The following SIPA1L1 variants were observed in gnomAD, a reference collection of about 807,000 sequenced individuals.
SIPA1L1 encodes signal induced proliferation associated 1 like 1.
In SIPA1L1, 26 loss-of-function variants were observed where a neutral mutation model predicts 162.7. The observed-to-expected ratio is 0.16, with a 90% CI of 0.12 to 0.22. SIPA1L1 has a LOEUF of 0.22. Ranked by LOEUF, SIPA1L1 falls within the 10% of genes least tolerant of loss-of-function variation. SIPA1L1 has a pLI of 1.00. For synonymous variants in SIPA1L1, 829 were observed against 837.4 expected (o/e 0.99, Z 0.17); for missense variants, 1,874 against 2,241.0 (o/e 0.84, Z 3.31).
At chr14:71,416,639 T>C (rs891062821) in intron 2 of SIPA1L1, among the ~76,000 whole-genome samples, 3 of 151,980 alleles carry the variant, frequency 2.0e-5, no homozygotes, top group African/African-American at 7.3e-5. Flanking sequence ...GCCTTCTAAG[T>C]GTATACTTCC....
intron 7 of SIPA1L1, among the ~76,000 whole-genome samples, chr14:71,626,294 T>C (rs975852781): frequency 4.6e-5 from 7 of 152,208 alleles, no homozygotes; most frequent in African/African-American, 1.4e-4. Context: ...ACAGTAGTTT[T>C]TTACTAGACA....
intron 2 of SIPA1L1, among the ~76,000 whole-genome samples, chr14:71,398,174 C>T (rs894444472): frequency 3.9e-5 from 6 of 152,020 alleles, no homozygotes; most frequent in African/African-American, 1.2e-4. Context: ...TGCCACTGCA[C>T]CCGGCTAATT....
chr14:71,546,026 T>C (rs2055153226), intron 4 of SIPA1L1, among the ~76,000 whole-genome samples: 1 of 151,892 alleles, frequency 6.6e-6, no homozygotes, highest in African/African-American at 2.4e-5. Context: ...GAGGCTGCAG[T>C]GAGCTGGGAT....
intron 4 of SIPA1L1, among the ~76,000 whole-genome samples, chr14:71,541,773 T>C (rs906090161): frequency 1.4e-4 from 21 of 152,148 alleles, no homozygotes; most frequent in African/African-American, 4.8e-4. Flanking sequence ...ACTCTGTCTC[T>C]GACAACAGCA....
In SIPA1L1 at chr14:71,671,236, A is replaced by G; in HGVS notation, c.2373A>G (p.Ala791=). The G allele has an allele frequency of 6.2e-7, 1 of 1,614,242 alleles. No homozygotes were observed. The highest frequency in any genetic ancestry group is 8.5e-7 in the Non-Finnish European group (1 of 1,180,052). The part of the protein sequence containing the change: ...RDFLLAKVIN[A]ENAAHKSEKF... Reference sequence around the variant, plus strand: ...TCCTTTTGGCGAAAGTGATTAATGCAGAAAATGCTGCTCATAAATCGGAGA... The same window carrying G: ...TCCTTTTGGCGAAAGTGATTAATGCGGAAAATGCTGCTCATAAATCGGAGA... The change falls in exon 11 of 24, where the codon GCA becomes GCG. Residue 791 remains alanine, a synonymous_variant. Transcript: ENST00000381232.
At chr14:71,500,440 G>A (rs575727912) in intron 2 of SIPA1L1, among the ~76,000 whole-genome samples, 1 of 152,252 alleles carries the variant, frequency 6.6e-6, no homozygotes, top group Non-Finnish European at 1.5e-5. Flanking sequence ...AGCCACAGTT[G>A]TATTATTATA....
intron 2 of SIPA1L1, among the ~76,000 whole-genome samples, chr14:71,503,468 G>A (rs775553984): frequency 1.6e-4 from 24 of 152,170 alleles, no homozygotes; most frequent in Admixed American, 3.9e-4. Context: ...TACATTTATT[G>A]GTTGGCAAAT....
At chr14:71,682,510 C>G (rs1160921851) in intron 12 of SIPA1L1, among the ~76,000 whole-genome samples, 4 of 152,204 alleles carry the variant, frequency 2.6e-5, no homozygotes, top group Non-Finnish European at 5.9e-5. Context: ...GCAGAACCTT[C>G]TGTGCTTATT....
chr14:71,398,008 A>ATTTTTTTTT (rs1157130958), intron 2 of SIPA1L1, among the ~76,000 whole-genome samples: 5 of 88,706 alleles, frequency 5.6e-5, no homozygotes, highest in African/African-American at 9.3e-5. Flanking sequence ...CAAAAAAAAA[A>ATTTTTTTTT]ATTTTTTTTT....
chr14:71,464,645 A>G (rs1408218356), intron 2 of SIPA1L1, among the ~76,000 whole-genome samples: 1 of 136,782 alleles, frequency 7.3e-6, no homozygotes, highest in Non-Finnish European at 1.5e-5. Flanking sequence ...CATCTCAAAA[A>G]ACAAAACAAA....
intron 4 of SIPA1L1, among the ~76,000 whole-genome samples, chr14:71,539,639 CAGAT>C (rs2054206106): frequency 6.6e-6 from 1 of 152,168 alleles, no homozygotes; most frequent in Admixed American, 6.6e-5. Context: ...GTTTCTCTGA[CAGAT>C]GGATTTTGTA....
chr14:71,709,115 A>T (rs1222611590), intron 16 of SIPA1L1, 107 bp from the exon 17 acceptor site: 2 of 854,878 alleles, frequency 2.3e-6, no homozygotes, highest in African/African-American at 3.4e-5. Context: ...TGGAACTTTT[A>T]GGCCTTCAGA....
At chr14:71,474,127 CTT>C (rs1198438216) in intron 2 of SIPA1L1, among the ~76,000 whole-genome samples, 1 of 152,162 alleles carries the variant, frequency 6.6e-6, no homozygotes, top group African/African-American at 2.4e-5. Context: ...AAAATTGACA[CTT>C]GGCTTATAAA....
chr14:71,332,504 T>C (rs997571317), intron 2 of SIPA1L1, among the ~76,000 whole-genome samples: 31 of 152,340 alleles, frequency 2.0e-4, no homozygotes, highest in Middle Eastern at 3.4e-3. Context: ...CAAGGAGATA[T>C]ATCTTGGCAA....
chr14:71,720,606 C>G (rs904856229), intron 17 of SIPA1L1, among the ~76,000 whole-genome samples: 7 of 151,910 alleles, frequency 4.6e-5, no homozygotes, highest in African/African-American at 1.7e-4. Flanking sequence ...TATTTTCTAG[C>G]TCTTGTAGGC....
At chr14:71,613,203 T>G (rs1166778975) in intron 5 of SIPA1L1, among the ~76,000 whole-genome samples, 2 of 152,188 alleles carry the variant, frequency 1.3e-5, no homozygotes, top group Non-Finnish European at 2.9e-5. Flanking sequence ...TAGAAACTTA[T>G]GGGAACATAA....
At chr14:71,563,079 G>A (rs1253529273) in intron 4 of SIPA1L1, among the ~76,000 whole-genome samples, 2 of 152,188 alleles carry the variant, frequency 1.3e-5, no homozygotes, top group Admixed American at 6.5e-5. Flanking sequence ...GACCAGTGCT[G>A]TAGTCTGGGT....
intron 2 of SIPA1L1, among the ~76,000 whole-genome samples, chr14:71,496,585 G>A (rs2049801882): frequency 6.6e-6 from 1 of 152,088 alleles, no homozygotes. Context: ...GTTGGATGAA[G>A]TTTTCTATAG....
intron 2 of SIPA1L1, among the ~76,000 whole-genome samples, chr14:71,496,704 A>T (rs1386718971): frequency 6.6e-6 from 1 of 151,026 alleles, no homozygotes; most frequent in East Asian, 1.9e-4. Context: ...TGAAGTCTTC[A>T]ATTATTAATG....
Sources: gnomAD v4.1 joint callset for allele counts (sites outside exome capture counted in the v4.1 genomes callset) on GRCh38, gnomAD v4.1.1 for gene constraint, MANE v1.5 for transcripts, NCBI Gene and HGNC (gene_info 2026-07-23, HGNC 2026-07-21) for gene names.